AXIN1: variants seen among roughly 807,000 people sequenced by gnomAD.
AXIN1 encodes axin-1.
AXIN1 carries 30 observed loss-of-function variants against 76.4 expected under a neutral mutation model. The ratio of observed to expected loss-of-function variants is 0.39; its 90% confidence interval spans 0.29 to 0.53. The LOEUF is 0.53. Ranked by LOEUF, AXIN1 falls within the 20% of genes least tolerant of loss-of-function variation. AXIN1 has a pLI of 0.66. For missense variants in AXIN1, 1,140 were observed against 1,198.8 expected, an observed-to-expected ratio of 0.95 and a Z score of 0.72; for synonymous variants, 545 against 501.4, an observed-to-expected ratio of 1.09 and a Z score of -1.16.
chr16:351,852 G>A (rs771217107), intron 1 of AXIN1, among the ~76,000 whole-genome samples: 11 of 152,168 alleles, frequency 7.2e-5, no homozygotes, highest in Non-Finnish European at 1.2e-4. Flanking sequence ...CACTGCTCGG[G>A]CAGTGCAGCT....
chr16:304,833 C>A (rs2052976277), intron 4 of AXIN1, among the ~76,000 whole-genome samples: 1 of 152,208 alleles, frequency 6.6e-6, no homozygotes, highest in Non-Finnish European at 1.5e-5. Context: ...CCGGGCCCGG[C>A]CTTTGTTGTA....
intron 2 of AXIN1, among the ~76,000 whole-genome samples, chr16:321,993 C>T (rs2053469859): frequency 6.6e-6 from 1 of 152,214 alleles, no homozygotes; most frequent in Non-Finnish European, 1.5e-5. Flanking sequence ...TGGAAACACA[C>T]ATCTGTGAGC....
chr16:290,793 C>T (rs1321294121), intron 9 of AXIN1: 11 of 365,924 alleles, frequency 3.0e-5, no homozygotes, highest in Middle Eastern at 9.4e-4. Context: ...AGACGCACCC[C>T]GGGCACCTCA....
intron 2 of AXIN1, among the ~76,000 whole-genome samples, chr16:340,585 A>C (rs1287738665): frequency 1.3e-5 from 2 of 152,180 alleles, no homozygotes; most frequent in Non-Finnish European, 2.9e-5. Flanking sequence ...TCAACAGCAG[A>C]ACCTGCCTGC....
At chr16:311,208 A>T (rs2053168723) in intron 3 of AXIN1, among the ~76,000 whole-genome samples, 1 of 150,382 alleles carries the variant, frequency 6.6e-6, no homozygotes, top group African/African-American at 2.4e-5. Context: ...TTTTTGTATT[A>T]TTTAGTAGAG....
intron 2 of AXIN1, among the ~76,000 whole-genome samples, chr16:315,008 T>C (rs935363719): frequency 2.0e-5 from 3 of 152,210 alleles, no homozygotes; most frequent in Admixed American, 6.5e-5. Context: ...GGGACGCAGA[T>C]GTTCTGCTCA....
chr16:326,373 AT>A (rs1259559315), intron 2 of AXIN1, among the ~76,000 whole-genome samples: 2,509 of 49,400 alleles, frequency 0.051, 82 homozygotes, highest in African/African-American at 0.16. Flanking sequence ...AAAAAAAAAA[AT>A]ATATATATAT....
At chr16:324,632 G>A (rs1173914965) in intron 2 of AXIN1, among the ~76,000 whole-genome samples, 3 of 152,366 alleles carry the variant, frequency 2.0e-5, no homozygotes, top group African/African-American at 7.2e-5. Flanking sequence ...GTCAGCACAT[G>A]ACACAGACAC....
intron 2 of AXIN1, among the ~76,000 whole-genome samples, chr16:335,756 T>A (rs1323284229): frequency 6.6e-6 from 1 of 152,188 alleles, no homozygotes; most frequent in African/African-American, 2.4e-5. Flanking sequence ...TATGGAAGAC[T>A]TCAGGACACA....
At chr16:337,372 G>C (rs1483901601) in intron 2 of AXIN1, among the ~76,000 whole-genome samples, 1 of 151,662 alleles carries the variant, frequency 6.6e-6, no homozygotes. Flanking sequence ...GGGCATTCAA[G>C]TCATCCTATT....
intron 2 of AXIN1, among the ~76,000 whole-genome samples, chr16:320,648 C>A (rs2053419155): frequency 6.8e-6 from 1 of 146,634 alleles, no homozygotes; most frequent in African/African-American, 2.6e-5. Context: ...AAATTAAAAA[C>A]AAATATATAT....
rs746463068 is a variant in AXIN1, at chr16:291,307, A to C, written c.2187-10T>G. Reference sequence around the variant, plus strand: ...AACCTCCTGCACATACCTAGGGAACAACCCGCGTCAAAGGTGGCTGTGCCG... The same window carrying C: ...AACCTCCTGCACATACCTAGGGAACCACCCGCGTCAAAGGTGGCTGTGCCG... On this transcript the variant is annotated splice_polypyrimidine_tract_variant and intron_variant, in intron 8 of 10. Coordinates refer to ENST00000262320, the MANE Select transcript of AXIN1 (RefSeq NM_003502.4). 1.9e-6 allele frequency: 3 copies of C among 1,564,312 alleles called. No individual in the cohort carries two copies. Among genetic ancestry groups the C allele is most frequent in the Non-Finnish European group, 8.7e-7 (1 of 1,154,816 alleles).
Position 334,069 on chromosome 16 carries a change from G to C in AXIN1, c.878+12079C>G, listed in dbSNP as rs74000526. The stretch of plus-strand genomic sequence containing the variant: ...TAGCATGCCCATAACACAGCACCCA[G>C]TACCAAGGCACACCACTAACACAGC... On this transcript the variant is annotated intron_variant, in intron 2 of 10. Transcript: ENST00000262320. Among the ~76,000 whole-genome samples the C allele has an allele frequency of 3.2e-3, 473 of 148,884 alleles. 4 individuals are homozygous for C. Among genetic ancestry groups the C allele is most frequent in the African/African-American group, 0.011 (443 of 40,010 alleles).
intron 2 of AXIN1, among the ~76,000 whole-genome samples, chr16:333,274 G>C (rs867116404): frequency 6.6e-6 from 1 of 151,874 alleles, no homozygotes; most frequent in Non-Finnish European, 1.5e-5. Context: ...AGCGGATGCA[G>C]TGAGCCGAGA....
At chr16:320,832 T>A (rs551683588) in intron 2 of AXIN1, among the ~76,000 whole-genome samples, 10 of 149,452 alleles carry the variant, frequency 6.7e-5, no homozygotes, top group Non-Finnish European at 1.3e-4. Context: ...CTCCGCCTCC[T>A]GGGTTCAATC....
At chr16:315,143 G>A (rs1012993192) in intron 2 of AXIN1, among the ~76,000 whole-genome samples, 24 of 152,298 alleles carry the variant, frequency 1.6e-4, no homozygotes, top group African/African-American at 4.3e-4. Context: ...TGTCAGGGCC[G>A]GTATGTGACA....
At chr16:329,117 A>G (rs865929429) in intron 2 of AXIN1, among the ~76,000 whole-genome samples, 1 of 151,914 alleles carries the variant, frequency 6.6e-6, no homozygotes, top group Non-Finnish European at 1.5e-5. Flanking sequence ...GTCTCTACTA[A>G]AAATATAGAA....
At chr16:351,304 C>A (rs1428564579) in intron 1 of AXIN1, among the ~76,000 whole-genome samples, 1 of 151,640 alleles carries the variant, frequency 6.6e-6, no homozygotes, top group Non-Finnish European at 1.5e-5. Flanking sequence ...CACATAAGAA[C>A]CCTTTATAAA....
intron 2 of AXIN1, among the ~76,000 whole-genome samples, chr16:322,363 C>A (rs2053478300): frequency 6.6e-6 from 1 of 152,236 alleles, no homozygotes; most frequent in Non-Finnish European, 1.5e-5. Flanking sequence ...CTCCCCTCAA[C>A]CCATCACCCT....
Sources: allele counts gnomAD v4.1 joint callset (sites outside exome capture counted in the v4.1 genomes callset), GRCh38; gene constraint gnomAD v4.1.1; transcripts MANE v1.5; gene names NCBI Gene and HGNC (gene_info 2026-07-23, HGNC 2026-07-21).